The following ALG13 variants were observed in gnomAD, a reference collection of about 807,000 sequenced individuals.
ALG13 encodes the protein ALG13 UDP-N-acetylglucosaminyltransferase subunit.
A neutral mutation model predicts 87.8 loss-of-function variants in ALG13; 11 were observed. The observed-to-expected ratio is 0.13, with a 90% CI of 0.08 to 0.21. The LOEUF is 0.21. Among genes scored for constraint, ALG13 ranks in the 10% least tolerant of loss-of-function variants. The pLI is 1.00. For missense variants in ALG13, 756 were observed against 866.1 expected (o/e 0.87, Z 1.60); for synonymous variants, 320 against 306.3 (o/e 1.04, Z -0.47).
intron 2 of ALG13, among the ~76,000 whole-genome samples, chrX:111,684,041 A>G (rs141363106): frequency 1.9e-4 from 21 of 112,233 alleles, no homozygotes; most frequent in East Asian, 8.4e-4. Context: ...GAGTTTTTCA[A>G]CTTTATGGTG....
intron 24 of ALG13, among the ~76,000 whole-genome samples, chrX:111,745,581 C>T (rs771364909): frequency 9.1e-6 from 1 of 109,836 alleles, no homozygotes; most frequent in Non-Finnish European, 1.9e-5. Flanking sequence ...CTTTAACTCC[C>T]TTCTGTTTTT....
chrX:111,760,188 T>C lies in ALG13; in HGVS notation c.*189T>C, dbSNP rs1945622166. 2.1e-6 allele frequency: 1 copy of C among 484,516 alleles called. No homozygotes were observed. Among genetic ancestry groups the C allele is most frequent in the South Asian group, 4.3e-5 (1 of 23,168 alleles). The allele number at this position is 484,516 out of a possible 1,213,427, so 39.9% of individuals were successfully genotyped here. On this transcript the variant is annotated 3_prime_UTR_variant, in exon 27 of 27. Transcript: ENST00000394780. ...AAGGGGTATTATTTTGGGCTGTGAC[T>C]AAGGAAATTGAGATGGATGTACAAC...
Position 111,727,326 on chromosome X carries a change from T to C in ALG13, c.1977-6T>C. 8.4e-7 allele frequency: 1 copy of C among 1,189,576 alleles called. No individual in the cohort carries two copies. The highest frequency in any genetic ancestry group is 1.1e-6 in the Non-Finnish European group (1 of 877,243). Reference sequence around the variant, plus strand: ...GAGTTCTAGTTTCCTTTCTCTTTATTCTTAGGAATTCATCTCGGTTTATAA... The same window carrying C: ...GAGTTCTAGTTTCCTTTCTCTTTATCCTTAGGAATTCATCTCGGTTTATAA... On this transcript the variant is annotated splice_region_variant and splice_polypyrimidine_tract_variant and intron_variant, in intron 16 of 26. Transcript: ENST00000394780.
At chrX:111,730,014 C>T (rs756082183) in intron 19 of ALG13, among the ~76,000 whole-genome samples, 1 of 112,183 alleles carries the variant, frequency 8.9e-6, no homozygotes, top group South Asian at 3.7e-4. Flanking sequence ...AATTGAGGCA[C>T]AGAGATTAAA....
intron 16 of ALG13, 71 bp downstream of exon 16, chrX:111,727,126 T>C (rs1438246979): frequency 9.6e-5 from 109 of 1,135,598 alleles, no homozygotes; most frequent in Non-Finnish European, 1.2e-4. Flanking sequence ...TCCAAGAAGA[T>C]AGAATGCCAT....
intron 24 of ALG13, among the ~76,000 whole-genome samples, chrX:111,749,897 A>G (rs1268639382): frequency 9.0e-6 from 1 of 111,519 alleles, no homozygotes; most frequent in Non-Finnish European, 1.9e-5. Flanking sequence ...TGCCTTTATC[A>G]CCTTGTCCCT....
chrX:111,689,818 C>G, intron 3 of ALG13: 3 of 753,151 alleles, frequency 4.0e-6, no homozygotes, highest in Non-Finnish European at 4.7e-6. Flanking sequence ...TAGTTGTTTG[C>G]CTAGTGTTCA....
chrX:111,687,720 T>C (rs1366833652), intron 3 of ALG13, among the ~76,000 whole-genome samples: 1 of 112,382 alleles, frequency 8.9e-6, no homozygotes, highest in Admixed American at 9.5e-5. Context: ...TTTGTATTGC[T>C]TTAATAATCC....
chrX:111,733,786 G>A (rs755394919), intron 21 of ALG13, among the ~76,000 whole-genome samples: 22 of 111,070 alleles, frequency 2.0e-4, no homozygotes, highest in African/African-American at 4.6e-4. Context: ...GTATAAAACC[G>A]TTCCCTTTTC....
At chrX:111,750,319 A>G (rs903458593) in intron 24 of ALG13, among the ~76,000 whole-genome samples, 4 of 111,520 alleles carry the variant, frequency 3.6e-5, no homozygotes, top group Non-Finnish European at 7.5e-5. Context: ...GAATCATACA[A>G]TATGTGGGCT....
Position 111,723,854 on chromosome X carries a change from T to A in ALG13, c.1557T>A (p.Asn519Lys). Reference protein sequence around the residue: ...YYNAHIQEVGNENNSVTVFIE... With the variant: ...YYNAHIQEVGKENNSVTVFIE... Reference sequence around the variant, plus strand: ...ATGCTCATATCCAGGAAGTTGGAAATGAGAACAATTCAGTAACAGTCTTCA... The same window carrying A: ...ATGCTCATATCCAGGAAGTTGGAAAAGAGAACAATTCAGTAACAGTCTTCA... Residue 519 changes from asparagine (N) to lysine (K), a missense_variant, in exon 14 of 27, where the codon AAT becomes AAA. Transcript: ENST00000394780. 1 of 1,184,649 alleles carries A rather than the reference T, an allele frequency of 8.4e-7. No individual in the cohort carries two copies. The highest frequency in any genetic ancestry group is 1.1e-6 in the Non-Finnish European group (1 of 880,886).
At chrX:111,690,394 G>A in intron 3 of ALG13, 2 of 753,191 alleles carry the variant, frequency 2.7e-6, no homozygotes, top group Non-Finnish European at 3.1e-6. Context: ...ACGGGTTGGA[G>A]TAGATGAAAA....
At chrX:111,758,464 T>G (rs1945461815) in intron 26 of ALG13, among the ~76,000 whole-genome samples, 1 of 112,414 alleles carries the variant, frequency 8.9e-6, no homozygotes, top group African/African-American at 3.2e-5. Flanking sequence ...TTGGAAAACA[T>G]GTATCTTCCA....
At chrX:111,738,411 G>T (rs1276513926) in intron 23 of ALG13, among the ~76,000 whole-genome samples, 1 of 112,201 alleles carries the variant, frequency 8.9e-6, no homozygotes, top group African/African-American at 3.2e-5. Flanking sequence ...CATTTCCTTT[G>T]AGCGCTATGT....
At chrX:111,710,933 A>C (rs780713710) in intron 5 of ALG13, 7 of 111,406 alleles carry the variant, frequency 6.3e-5, no homozygotes, top group Non-Finnish European at 1.1e-4. Context: ...TCCTGACCTC[A>C]TGATCTGCCT....
At chrX:111,742,766 G>C (rs950888404) in intron 23 of ALG13, among the ~76,000 whole-genome samples, 3 of 112,768 alleles carry the variant, frequency 2.7e-5, no homozygotes, top group Non-Finnish European at 5.6e-5. Context: ...AGAAGCAGCA[G>C]TATCTTATTG....
At chrX:111,681,577 C>T (rs1933220559) in intron 1 of ALG13, 3 of 953,721 alleles carry the variant, frequency 3.1e-6, no homozygotes, top group African/African-American at 2.0e-5. Flanking sequence ...CCCCCGCGCT[C>T]TATTCTCCGC....
chrX:111,727,166 T>C, intron 16 of ALG13, 111 bp downstream of exon 16: 1 of 980,842 alleles, frequency 1.0e-6, no homozygotes, highest in Admixed American at 2.6e-5. Context: ...ACATACAGAC[T>C]GTATTTCATT....
intron 25 of ALG13, among the ~76,000 whole-genome samples, chrX:111,754,852 A>G (rs746998190): frequency 8.9e-6 from 1 of 112,203 alleles, no homozygotes; most frequent in Admixed American, 9.4e-5. Context: ...TGCCCAAAGT[A>G]ATTTATAGAT....
Sources: allele counts gnomAD v4.1 joint callset (sites outside exome capture counted in the v4.1 genomes callset), GRCh38; gene constraint gnomAD v4.1.1; transcripts MANE v1.5; gene names NCBI Gene and HGNC (gene_info 2026-07-23, HGNC 2026-07-21).